The following ATP1A3 variants were observed in gnomAD, a reference collection of about 807,000 sequenced individuals.
ATP1A3 encodes sodium/potassium-transporting ATPase subunit alpha-3.
ATP1A3 carries 12 observed loss-of-function variants against 108.8 expected under a neutral mutation model. That is an observed-to-expected ratio of 0.11 (90% CI 0.07 to 0.18). The LOEUF is 0.18. Among genes scored for constraint, ATP1A3 ranks in the 10% least tolerant of loss-of-function variants. The probability of loss-of-function intolerance (pLI) is 1.00; values close to 1 mark genes in which losing one functional copy is unlikely to be tolerated. For synonymous variants in ATP1A3, 539 were observed against 564.5 expected, an observed-to-expected ratio of 0.95 and a Z score of 0.64; for missense variants, 498 against 1,387.7, an observed-to-expected ratio of 0.36 and a Z score of 10.19.
chr19:41,966,629 G>A lies in ATP1A3; in HGVS notation c.*308C>T. 6.7e-7 allele frequency: 1 copy of A among 1,486,264 alleles called. No homozygotes were observed. Among genetic ancestry groups the A allele is most frequent in the Non-Finnish European group, 9.0e-7 (1 of 1,105,896 alleles). 92.1% of individuals were successfully genotyped at this position (1,486,264 alleles called of 1,614,324 possible). A position where few individuals can be genotyped will look rare whatever the true frequency, so the allele number is the denominator to read the frequency against. ...TTGATAATTGTCCAGAACCAGAGAT[G>A]GCATCAGCCGGGGGGCTGAAGGGGA... On this transcript the variant is annotated 3_prime_UTR_variant, in exon 23 of 23. Coordinates refer to ENST00000648268, the MANE Select transcript of ATP1A3 (RefSeq NM_152296.5).
chr19:41,972,860 A>AGG (rs1555860226), intron 16 of ATP1A3, among the ~76,000 whole-genome samples: 28 of 132,844 alleles, frequency 2.1e-4, no homozygotes, highest in African/African-American at 3.5e-4. Context: ...GAAGGAAGGA[A>AGG]AGAAGGAAGG....
At chr19:41,969,342 G>A (rs2075076992) in intron 19 of ATP1A3, 93 bp downstream of exon 19, 3 of 1,588,806 alleles carry the variant, frequency 1.9e-6, no homozygotes, top group Non-Finnish European at 2.6e-6. Context: ...GGGAGACTGA[G>A]GGGGCCATCG....
rs782352515 is a variant in ATP1A3 at position 41,987,939 on chromosome 19, G to A, written c.354C>T (p.Asp118=). Reference sequence around the variant, plus strand: ...AGGGCAGGGTCCAGGCACTCACGTTGTCACCAGAGGGGTCGTCCTCGGTGC... The same window carrying A: ...AGGGCAGGGTCCAGGCACTCACGTTATCACCAGAGGGGTCGTCCTCGGTGC... The part of the protein sequence containing the change: ...QAGTEDDPSG[D]NLYLGIVLAA... Residue 118 remains aspartate (D), a synonymous_variant, in exon 4 of 23, where the codon GAC becomes GAT. Transcript: ENST00000648268. 5 of 1,613,540 alleles carry A rather than the reference G, an allele frequency of 3.1e-6. No individual in the cohort carries two copies. Among genetic ancestry groups the A allele is most frequent in the Non-Finnish European group, 3.4e-6 (4 of 1,180,028 alleles).
chr19:41,969,325 CT>C, intron 19 of ATP1A3, 109 bp downstream of exon 19: 5 of 1,569,076 alleles, frequency 3.2e-6, no homozygotes, highest in Admixed American at 1.7e-5. Context: ...GGCCTTGATG[CT>C]GCCATGGGAG....
chr19:41,976,618 C>G (rs1555861417), intron 14 of ATP1A3, 52 bp from the exon 15 acceptor site: 1 of 1,609,878 alleles, frequency 6.2e-7, no homozygotes, highest in Admixed American at 1.7e-5. Flanking sequence ...TGAGGAGTGG[C>G]AAAGTGATCC....
At chr19:41,989,479 C>T (rs782663772) in intron 1 of ATP1A3, among the ~76,000 whole-genome samples, 3 of 152,178 alleles carry the variant, frequency 2.0e-5, no homozygotes, top group African/African-American at 4.8e-5. Context: ...CCACTACGCC[C>T]GGCTCATTTT....
rs1290952761 is a variant in ATP1A3 at position 41,988,180 on chromosome 19, C to T, written c.154-41G>A. ...CTCACACAGAACCCTCCCTGGGCAA[C>T]CCTGGCACCCCAGGCCTTCACCAGA... On this transcript the variant is annotated intron_variant, in intron 3 of 22. Coordinates refer to ENST00000648268, the MANE Select transcript of ATP1A3 (RefSeq NM_152296.5). The surrounding 1 kb of genome is among the most constrained non-coding windows in gnomAD (Gnocchi z 5.3). The T allele has an allele frequency of 6.2e-6, 10 of 1,613,750 alleles. No homozygotes were observed. Among genetic ancestry groups the T allele is most frequent in the Admixed American group, 1.7e-5 (1 of 60,018 alleles).
In ATP1A3 at chr19:41,988,609, C is replaced by T. The variant is rs1010252723; in HGVS notation, c.7-47G>A. The T allele has an allele frequency of 2.5e-6, 4 of 1,613,890 alleles. No homozygotes were observed. The highest frequency in any genetic ancestry group is 3.4e-6 in the Non-Finnish European group (4 of 1,180,016). The stretch of plus-strand genomic sequence containing the variant: ...GCTGTCAGAGCCACCAGACTGCGGG[C>T]GAGAAGGGGTTCCAGGAGGACACCG... On this transcript the variant is annotated intron_variant, in intron 1 of 22. Coordinates refer to ENST00000648268, the MANE Select transcript of ATP1A3 (RefSeq NM_152296.5). This position sits in a 1 kb window ranked among gnomAD's most constrained non-coding sequence, Gnocchi z 5.3.
At chr19:41,990,658 T>TCTCTCTCTCTCTCTCTC (rs1568868397) in intron 1 of ATP1A3, among the ~76,000 whole-genome samples, 1 of 130,600 alleles carries the variant, frequency 7.7e-6, no homozygotes, top group African/African-American at 3.0e-5. Context: ...CTCTCTCTCT[T>TCTCTCTCTCTCTCTCTC]TCTCTCTCTC....
rs1330371427 is a variant in ATP1A3, at chr19:41,967,754, G to T, written c.2829C>A (p.Ile943=). The change falls in exon 21 of 23, where the codon ATC becomes ATA. Residue 943 remains isoleucine (I), a synonymous_variant. Transcript: ENST00000648268. The surrounding 1 kb of genome is among the most constrained non-coding windows in gnomAD (Gnocchi z 4.2). ...SVFQQGMKNK[I]LIFGLFEETA... ...TCTCCTCAAACAGCCCGAAGATCAG[G>T]ATCTTGTTCCTGGAGGCACAGAAGG... is the stretch of plus-strand genomic sequence containing the variant. 2 of 1,613,982 alleles carry T rather than the reference G, an allele frequency of 1.2e-6. No homozygotes were observed. The highest frequency in any genetic ancestry group is 1.1e-5 in the South Asian group (1 of 91,064).
rs2075280538 is a variant in ATP1A3, at chr19:41,985,727, G to C, written c.606+137C>G. 7.5e-7 allele frequency: 1 copy of C among 1,332,428 alleles called. No homozygotes were observed. Among genetic ancestry groups the C allele is most frequent in the Admixed American group, 2.4e-5 (1 of 42,458 alleles). 82.5% of individuals were successfully genotyped at this position (1,332,428 alleles called of 1,614,324 possible). ...AAACTCCTGGGTCTGAGGGAGGAGGGCCTGGGGGCCTGGACTCCTGGGTCT... is the reference window on the plus strand; with the variant it reads ...AAACTCCTGGGTCTGAGGGAGGAGGCCCTGGGGGCCTGGACTCCTGGGTCT... On this transcript the variant is annotated intron_variant, in intron 6 of 22. Coordinates refer to ENST00000648268, the MANE Select transcript of ATP1A3 (RefSeq NM_152296.5). The surrounding 1 kb of genome is among the most constrained non-coding windows in gnomAD (Gnocchi z 8.2).
rs2075310856 is a variant in ATP1A3, at chr19:41,988,899, G to T, written c.7-337C>A. Among the ~76,000 whole-genome samples, 1 of 152,108 alleles carries T rather than the reference G, an allele frequency of 6.6e-6. No individual in the cohort carries two copies. The highest frequency in any genetic ancestry group is 1.9e-4 in the East Asian group (1 of 5,188). The stretch of plus-strand genomic sequence containing the variant: ...TGTTTCAGTCTCTCTCTGTTTCTGT[G>T]CCCATCTTTGCGGGGCTCTCCCCTT... On this transcript the variant is annotated intron_variant, in intron 1 of 22. Transcript: ENST00000648268. The surrounding 1 kb of genome is among the most constrained non-coding windows in gnomAD (Gnocchi z 5.3).
At chr19:41,969,678 G>A in intron 18 of ATP1A3, 98 bp from the exon 19 acceptor site, 1 of 1,481,304 alleles carries the variant, frequency 6.8e-7, no homozygotes, top group South Asian at 1.1e-5. Flanking sequence ...TTGGAGAGGG[G>A]AGTATGCCCT....
chr19:41,975,618 G>C lies in ATP1A3; in HGVS notation c.2263+11C>G. The C allele has an allele frequency of 6.2e-7, 1 of 1,613,730 alleles. No individual in the cohort carries two copies. Among genetic ancestry groups the C allele is most frequent in the Middle Eastern group, 1.7e-4 (1 of 5,946 alleles). ...GACCCTGGTCTCCAGGGCCACCCCT[G>C]GCCAACTCACCCTCCTCCACCCCTG... is the stretch of plus-strand genomic sequence containing the variant. On this transcript the variant is annotated intron_variant, in intron 16 of 22. Coordinates refer to ENST00000648268, the MANE Select transcript of ATP1A3 (RefSeq NM_152296.5).
intron 1 of ATP1A3, among the ~76,000 whole-genome samples, chr19:41,990,282 CCTCT>C (rs1266205672): frequency 6.7e-6 from 1 of 150,232 alleles, no homozygotes; most frequent in Non-Finnish European, 1.5e-5. Context: ...TCTGGGATCT[CCTCT>C]CTATCTCTGA....
In ATP1A3 at chr19:41,988,270, G is replaced by T; in HGVS notation, c.153+48C>A. On this transcript the variant is annotated intron_variant, in intron 3 of 22. Coordinates refer to ENST00000648268, the MANE Select transcript of ATP1A3 (RefSeq NM_152296.5). The surrounding 1 kb of genome is among the most constrained non-coding windows in gnomAD (Gnocchi z 5.3). ...TCAGACCCAGGGGTCCTAGCCCCCAGCTCCTCCTCCCTAGTTCCCAGGGTC... is the reference window on the plus strand; with the variant it reads ...TCAGACCCAGGGGTCCTAGCCCCCATCTCCTCCTCCCTAGTTCCCAGGGTC... 1.9e-6 allele frequency: 3 copies of T among 1,613,648 alleles called. No homozygotes were observed. Among genetic ancestry groups the T allele is most frequent in the Non-Finnish European group, 2.5e-6 (3 of 1,179,586 alleles).
intron 18 of ATP1A3, 141 bp downstream of exon 18, chr19:41,970,044 C>G (rs1428294552): frequency 2.2e-6 from 3 of 1,387,770 alleles, no homozygotes; most frequent in Non-Finnish European, 2.0e-6. Context: ...TGCAGACCCC[C>G]CCCACAGATA....
chr19:41,975,558 C>A, intron 16 of ATP1A3, 71 bp downstream of exon 16: 1 of 1,600,880 alleles, frequency 6.2e-7, no homozygotes, highest in Non-Finnish European at 8.5e-7. Flanking sequence ...GCAGCCCTGG[C>A]CAGTTCCCCT....
chr19:41,970,199 G>A lies in ATP1A3; in HGVS notation c.2528C>T (p.Ala843Val). ...CGGTGCCTCACCAATCTGCCCGTAG[G>A]CCATGCTGATGAGTCTCTCATTGAC... ...KLVNERLISM[A>V]YGQIGMIQAL... The change falls in exon 18 of 23, where the codon GCC becomes GTC. Residue 843 changes from alanine to valine, a missense_variant. Physicochemically the swap from Ala to Val is moderately conservative, Grantham distance 64 (BLOSUM62 0). Coordinates refer to ENST00000648268, the MANE Select transcript of ATP1A3 (RefSeq NM_152296.5). 1 of 1,614,236 alleles carries A rather than the reference G, an allele frequency of 6.2e-7. No individual in the cohort carries two copies. The highest frequency in any genetic ancestry group is 8.5e-7 in the Non-Finnish European group (1 of 1,180,048).
Sources: gnomAD v4.1 joint callset for allele counts (sites outside exome capture counted in the v4.1 genomes callset) on GRCh38, gnomAD v4.1.1 for gene constraint, Gnocchi (gnomAD v3.1) non-coding constraint, MANE v1.5 for transcripts, NCBI Gene and HGNC (gene_info 2026-07-23, HGNC 2026-07-21) for gene names.